The following ALS2 variants were observed in gnomAD, a reference collection of about 807,000 sequenced individuals.
ALS2 encodes alsin Rho guanine nucleotide exchange factor ALS2, also known as alsin.
Under a neutral mutation model 203.4 loss-of-function variants are expected in ALS2, and 117 were observed. That is an observed-to-expected ratio of 0.58 (90% CI 0.50 to 0.67). The LOEUF (loss-of-function observed/expected upper bound fraction) is 0.67. ALS2 is among the 30% of genes least tolerant of loss of function. The pLI, the probability that ALS2 is intolerant of heterozygous loss-of-function variation, is 0.00. For synonymous variants in ALS2, 718 were observed against 725.9 expected (o/e 0.99, Z 0.17); for missense variants, 1,715 against 1,989.4 (o/e 0.86, Z 2.62).
intron 23 of ALS2, 45 bp from the exon 24 acceptor site, chr2:201,718,255 T>C: frequency 1.3e-6 from 2 of 1,578,506 alleles, no homozygotes; most frequent in Non-Finnish European, 8.7e-7. Context: ...AGGAAATATA[T>C]TCAATATTCA....
At chr2:201,768,192 A>G (rs2106104451) in intron 2 of ALS2, among the ~76,000 whole-genome samples, 1 of 152,342 alleles carries the variant, frequency 6.6e-6, no homozygotes, top group African/African-American at 2.4e-5. Flanking sequence ...CAAGTTTATA[A>G]TAGATATCAG....
At chr2:201,727,797 C>G in intron 15 of ALS2, 22 bp from the exon 16 acceptor site, 1 of 1,550,676 alleles carries the variant, frequency 6.4e-7, no homozygotes, top group African/African-American at 1.4e-5. Context: ...AACACGGAGG[C>G]ACTTTTATGA....
chr2:201,702,696 A>C (rs1282294068), intron 33 of ALS2, among the ~76,000 whole-genome samples: 1 of 152,210 alleles, frequency 6.6e-6, no homozygotes, highest in African/African-American at 2.4e-5. Flanking sequence ...TAAACTTACT[A>C]GTTCAGTTTC....
At chr2:201,762,270 T>G (rs980307719) in intron 3 of ALS2, among the ~76,000 whole-genome samples, 2 of 152,320 alleles carry the variant, frequency 1.3e-5, no homozygotes, top group Admixed American at 6.5e-5. Flanking sequence ...CAGCAAAAAA[T>G]TATGCAATGG....
chr2:201,757,813 A>G (rs1207955564), intron 4 of ALS2, 54 bp from the exon 5 acceptor site: 42 of 1,359,676 alleles, frequency 3.1e-5, no homozygotes, highest in Middle Eastern at 2.0e-4. Context: ...TTATGCAACA[A>G]GCAATCAATA....
At chr2:201,714,641 G>A (rs540450970) in intron 25 of ALS2, among the ~76,000 whole-genome samples, 14 of 152,290 alleles carry the variant, frequency 9.2e-5, no homozygotes, top group South Asian at 6.2e-4. Flanking sequence ...CCCTAAAACA[G>A]CAGATATTTT....
chr2:201,746,360 G>A (rs1174475859), intron 9 of ALS2, among the ~76,000 whole-genome samples: 2 of 152,172 alleles, frequency 1.3e-5, no homozygotes, highest in Non-Finnish European at 2.9e-5. Context: ...TAGACAAAGT[G>A]AGTAAATTAT....
rs1574655092 is a variant in ALS2, at chr2:201,705,057, A to G, written c.4688+82T>C. 4 of 1,369,940 alleles carry G rather than the reference A, an allele frequency of 2.9e-6. No homozygotes were observed. In the East Asian group the frequency reaches 9.7e-5, roughly 33 times the overall value. The allele number at this position is 1,369,940 out of a possible 1,614,324, so 84.9% of individuals were successfully genotyped here. On this transcript the variant is annotated intron_variant, in intron 31 of 33. Transcript: ENST00000264276. ...GAATGGGGATGCTTAAGGCTTAGGT[A>G]AAGATAAGATCATATTAATAATATC...
chr2:201,723,100 G>A lies in ALS2; in HGVS notation c.3645C>T (p.Ser1215=), dbSNP rs1690914497. ...CTCCTTCATAGATAGTATCATCTTC[G>A]GAAAGCAAAACCCCATTTCCCTACA... The part of the protein sequence containing the change: ...NKMMGNGVLL[S]EDDTIYEGEF... Residue 1215 remains serine (S), a synonymous_variant, in exon 23 of 34, where the codon TCC becomes TCT. Coordinates refer to ENST00000264276, the MANE Select transcript of ALS2 (RefSeq NM_020919.4). 27 of 1,612,932 alleles carry A rather than the reference G, an allele frequency of 1.7e-5. No homozygotes were observed. The highest frequency in any genetic ancestry group is 1.6e-4 in the Middle Eastern group (1 of 6,082).
chr2:201,743,668 G>C (rs1692441422), intron 10 of ALS2, among the ~76,000 whole-genome samples: 1 of 152,040 alleles, frequency 6.6e-6, no homozygotes, highest in Non-Finnish European at 1.5e-5. Flanking sequence ...GTAGAGATGG[G>C]GTTTCACCAT....
At chr2:201,770,522 T>C (rs1273994549) in intron 1 of ALS2, among the ~76,000 whole-genome samples, 1 of 152,132 alleles carries the variant, frequency 6.6e-6, no homozygotes, top group Non-Finnish European at 1.5e-5. Flanking sequence ...TTACTTACTA[T>C]AGGGCAGGCC....
At chr2:201,713,908 C>G (rs929540909) in intron 25 of ALS2, among the ~76,000 whole-genome samples, 3 of 152,130 alleles carry the variant, frequency 2.0e-5, no homozygotes, top group African/African-American at 7.2e-5. Flanking sequence ...CATTATAAAA[C>G]TCTGGGTCTT....
At chr2:201,731,024 C>T (rs567797159) in intron 13 of ALS2, among the ~76,000 whole-genome samples, 1 of 152,182 alleles carries the variant, frequency 6.6e-6, no homozygotes. Context: ...CAGGGGTCTG[C>T]AAACCAAGTT....
chr2:201,716,638 C>T (rs1690414525), intron 24 of ALS2: 1 of 149,490 alleles, frequency 6.7e-6, no homozygotes. Flanking sequence ...TCGCTTGAAC[C>T]TGGGAGGTGC....
chr2:201,732,569 AAAAC>A lies in ALS2; in HGVS notation c.2580+703_2580+706del, dbSNP rs534850525. Among the ~76,000 whole-genome samples the A allele has an allele frequency of 2.5e-3, 376 of 152,284 alleles. 2 individuals are homozygous for A. Among genetic ancestry groups the A allele is most frequent in the African/African-American group, 8.1e-3 (335 of 41,564 alleles). On this transcript the variant is annotated intron_variant, in intron 13 of 33. Transcript: ENST00000264276. ...AGTGACAGAACGAGACTCTGTCTCA[AAAAC>A]AAACAAACAACAACAACAATAAAAA...
chr2:201,739,470 C>T (rs369115247), intron 11 of ALS2, among the ~76,000 whole-genome samples: 9 of 151,868 alleles, frequency 5.9e-5, no homozygotes, highest in Admixed American at 3.3e-4. Flanking sequence ...AGGCTGGGGG[C>T]GGTGGCTCAC....
At chr2:201,760,118 T>G (rs1574784376) in intron 4 of ALS2, 1 of 713,348 alleles carries the variant, frequency 1.4e-6, no homozygotes, top group Non-Finnish European at 1.7e-6. Context: ...AGCTCAGGAG[T>G]TTGAGATGAG....
Position 201,723,440 on chromosome 2 carries a change from C to G in ALS2, c.3514G>C (p.Gly1172Arg). Residue 1172 changes from glycine to arginine, a missense_variant and splice_region_variant, in exon 22 of 34, where the codon GGG becomes CGG. This residue lies in a region of ALS2 where 1,227 missense variants were observed against 1,413.5 expected (regional missense o/e 0.87). Coordinates refer to ENST00000264276, the MANE Select transcript of ALS2 (RefSeq NM_020919.4). ...GYGVFDDITR[G>R]EKYMGMWQDD... Reference sequence around the variant, plus strand: ...TGCCACATTCCCATATACTTTTCCCCCCTGCACAGAAATAAAAAGAAAAGA... The same window carrying G: ...TGCCACATTCCCATATACTTTTCCCGCCTGCACAGAAATAAAAAGAAAAGA... 6.2e-7 allele frequency: 1 copy of G among 1,610,518 alleles called. No individual in the cohort carries two copies. The highest frequency in any genetic ancestry group is 8.5e-7 in the Non-Finnish European group (1 of 1,176,816).
chr2:201,751,855 C>T (rs1315589776), intron 7 of ALS2, among the ~76,000 whole-genome samples: 5 of 152,082 alleles, frequency 3.3e-5, no homozygotes, highest in African/African-American at 7.2e-5. Flanking sequence ...CCTACAAATA[C>T]GAAGCCAGTA....
Sources: allele counts gnomAD v4.1 joint callset (sites outside exome capture counted in the v4.1 genomes callset), GRCh38; gene constraint gnomAD v4.1.1; regional missense constraint gnomAD v4.1.1; transcripts MANE v1.5; gene names NCBI Gene and HGNC (gene_info 2026-07-23, HGNC 2026-07-21).